TM2D3: variants seen among roughly 807,000 people sequenced by gnomAD.
TM2D3 encodes TM2 domain-containing protein 3.
TM2D3 carries 33 observed loss-of-function variants against 27.3 expected under a neutral mutation model. That is an observed-to-expected ratio of 1.21 (90% CI 0.92 to 1.61). TM2D3 has a LOEUF of 1.61. TM2D3 is among the 40% of genes most tolerant of loss of function. The pLI is 0.00. For missense variants in TM2D3, 364 were observed against 320.8 expected, an observed-to-expected ratio of 1.13 and a Z score of -1.03; for synonymous variants, 138 against 122.2, an observed-to-expected ratio of 1.13 and a Z score of -0.85.
chr15:101,645,357 TACA>T, intron 4 of TM2D3, 195 bp from the exon 5 acceptor site: 1 of 584,098 alleles, frequency 1.7e-6, no homozygotes, highest in Non-Finnish European at 3.0e-6. Context: ...AAGTTAGGAT[TACA>T]ACGTGAGGAA....
chr15:101,641,883 T>C lies in TM2D3; in HGVS notation c.*596A>G, dbSNP rs1896677243. 2.1e-6 allele frequency: 2 copies of C among 963,202 alleles called. No homozygotes were observed. Among genetic ancestry groups the C allele is most frequent in the Admixed American group, 6.2e-5 (1 of 16,236 alleles). 59.7% of individuals were successfully genotyped at this position (963,202 alleles called of 1,614,324 possible). A position where few individuals can be genotyped will look rare whatever the true frequency, so the allele number is the denominator to read the frequency against. On this transcript the variant is annotated 3_prime_UTR_variant, in exon 6 of 6. Transcript: ENST00000333202. ...TGCAATTTTATTAATTTTTCAGTAC[T>C]CTTACCTTTTATATACTACTAAGAA... is the stretch of plus-strand genomic sequence containing the variant.
rs1373162375 is a variant in TM2D3 at position 101,642,486 on chromosome 15, T to C, written c.737A>G (p.Tyr246Cys). 1 of 1,610,854 alleles carries C rather than the reference T, an allele frequency of 6.2e-7. No homozygotes were observed. The highest frequency in any genetic ancestry group is 8.5e-7 in the Non-Finnish European group (1 of 1,178,344). ...CTGAAGCACACACCACAGCTAAATG[T>C]ACAAAGAGCCATCTGCTGGTCCAAC... is the stretch of plus-strand genomic sequence containing the variant. ...GYVGPADGSLYI is the reference protein window; with the variant it reads ...GYVGPADGSLCI The change falls in exon 6 of 6, where the codon TAC (tyrosine) becomes TGC (cysteine). Residue 246 changes from tyrosine to cysteine, a missense_variant. Coordinates refer to ENST00000333202, the MANE Select transcript of TM2D3 (RefSeq NM_078474.3).
chr15:101,636,694 T>C (rs1309063817), intron 4 of TM2D3: 2 of 216,432 alleles, frequency 9.2e-6, no homozygotes, highest in Admixed American at 5.8e-5. Context: ...CCTAGAAGAT[T>C]CCCCAAGTCA....
intron 3 of TM2D3, 46 bp downstream of exon 3, chr15:101,649,956 TAA>T: frequency 6.4e-7 from 1 of 1,555,728 alleles, no homozygotes; most frequent in Non-Finnish European, 8.8e-7. Context: ...TCTTCTAACT[TAA>T]AGTTTACAAT....
intron 5 of TM2D3, among the ~76,000 whole-genome samples, chr15:101,643,263 C>A (rs1896714090): frequency 6.6e-6 from 1 of 152,036 alleles, no homozygotes; most frequent in South Asian, 2.1e-4. Flanking sequence ...TCCAGAGTAC[C>A]CTGAAGCAAA....
rs1391231210 is a variant in TM2D3 at position 101,643,841 on chromosome 15, C to CA, written c.579-1198dup. 1.2e-4 allele frequency among the ~76,000 whole-genome samples: 18 copies of CA among 152,030 alleles called. No homozygotes were observed. The East Asian group carries it at 3.5e-3, about 29-fold the overall frequency. On this transcript the variant is annotated intron_variant, in intron 5 of 5. Transcript: ENST00000333202. Reference sequence around the variant, plus strand: ...GCCAGTTGTTAATTTGAACCATTGTCAGCAATGGTTACTAATCTTTTTTTT... The same window carrying CA: ...GCCAGTTGTTAATTTGAACCATTGTCAAGCAATGGTTACTAATCTTTTTTTT...
chr15:101,648,500 T>G (rs1251238453), intron 3 of TM2D3, among the ~76,000 whole-genome samples: 2 of 152,210 alleles, frequency 1.3e-5, no homozygotes, highest in Non-Finnish European at 2.9e-5. Context: ...CACATGTACA[T>G]GGAACACATG....
downstream of TM2D3, among the ~76,000 whole-genome samples, chr15:101,638,137 C>G (rs1011811933): frequency 1.3e-5 from 2 of 152,106 alleles, no homozygotes; most frequent in African/African-American, 4.8e-5. Context: ...GCAGGGAACC[C>G]CTGAACCCAT....
chr15:101,640,151 T>C (rs1035269091), downstream of TM2D3, among the ~76,000 whole-genome samples: 1 of 152,156 alleles, frequency 6.6e-6, no homozygotes, highest in African/African-American at 2.4e-5. Flanking sequence ...AGCTCACACA[T>C]GATGGACTGA....
intron 3 of TM2D3, among the ~76,000 whole-genome samples, chr15:101,649,143 T>C (rs973729529): frequency 6.6e-6 from 1 of 152,238 alleles, no homozygotes; most frequent in Non-Finnish European, 1.5e-5. Context: ...TTTCCTTTCC[T>C]ATGAACCATC....
chr15:101,636,142 CTACATTTTGTTTATG>C (rs1896546050), intron 4 of TM2D3: 1 of 152,124 alleles, frequency 6.6e-6, no homozygotes, highest in Non-Finnish European at 1.5e-5. Context: ...TATGAATGAA[CTACATTTTGTTTATG>C]TATTATTCAT....
intron 4 of TM2D3, chr15:101,645,831 A>C (rs1332070296): frequency 6.8e-6 from 1 of 147,664 alleles, no homozygotes; most frequent in African/African-American, 2.5e-5. Context: ...AAAAAATCAA[A>C]ATCTGGGAGA....
Position 101,651,637 on chromosome 15 carries a change from CAAAG to C in TM2D3, c.169+55_169+58del, listed in dbSNP as rs1288575154. Reference sequence around the variant, plus strand: ...ATACTAAAGGGAATTTTTATAAAAACAAAGAGAAACTACTAGAGATAACTACATG... The same window carrying C: ...ATACTAAAGGGAATTTTTATAAAAACAGAAACTACTAGAGATAACTACATG... On this transcript the variant is annotated intron_variant, in intron 2 of 5. Coordinates refer to ENST00000333202, the MANE Select transcript of TM2D3 (RefSeq NM_078474.3). The C allele has an allele frequency of 1.1e-5, 16 of 1,504,020 alleles. 1 individual carries two copies. The East Asian group carries it at 1.8e-4, about 17-fold the overall frequency. 93.2% of individuals were successfully genotyped at this position (1,504,020 alleles called of 1,614,324 possible). A position where few individuals can be genotyped will look rare whatever the true frequency, so the allele number is the denominator to read the frequency against.
chr15:101,652,335 C>A lies in TM2D3; in HGVS notation c.27G>T (p.Arg9Ser), dbSNP rs760740696. The A allele has an allele frequency of 4.4e-6, 7 of 1,601,858 alleles. No individual in the cohort carries two copies. Among genetic ancestry groups the A allele is most frequent in the Non-Finnish European group, 6.0e-6 (7 of 1,175,054 alleles). The change falls in exon 1 of 6, where the codon AGG (arginine) becomes AGT (serine). Residue 9 changes from arginine to serine, a missense_variant. Arg to Ser is a moderately radical substitution (Grantham distance 110). Coordinates refer to ENST00000333202, the MANE Select transcript of TM2D3 (RefSeq NM_078474.3). ...GCACGCGACACAAGGCGCGGAGGCCCCTCAGCGGGAGCACCCCTCCCGCCA... is the reference window on the plus strand; with the variant it reads ...GCACGCGACACAAGGCGCGGAGGCCACTCAGCGGGAGCACCCCTCCCGCCA... MAGGVLPL[R>S]GLRALCRVLL...
rs969020895 is a variant in TM2D3, at chr15:101,635,159, CAATAAT to C, written c.501-1437_501-1432del. 1.1e-4 allele frequency: 17 copies of C among 151,828 alleles called. 1 individual carries two copies. Among genetic ancestry groups the C allele is most frequent in the African/African-American group, 1.9e-4 (8 of 41,334 alleles). The allele number at this position is 151,828 out of a possible 1,614,324, so 9.4% of individuals were successfully genotyped here. ...TGGGTGACAGAGCAAGACCCTGTCTCAATAATAATAATATAAATCTTTTGACCAAAA... is the reference window on the plus strand; with the variant it reads ...TGGGTGACAGAGCAAGACCCTGTCTCAATAATATAAATCTTTTGACCAAAA... On this transcript the variant is annotated intron_variant, in intron 4 of 4. Coordinates refer to the TM2D3 transcript ENST00000428002.
At chr15:101,640,946 T>G (rs1896653353), downstream of TM2D3, among the ~76,000 whole-genome samples, 1 of 152,234 alleles carries the variant, frequency 6.6e-6, no homozygotes, top group African/African-American at 2.4e-5. Context: ...TAATCAAGGA[T>G]GCTGTTACCT....
intron 4 of TM2D3, 68 bp downstream of exon 4, chr15:101,646,657 G>A (rs1437306234): frequency 6.3e-7 from 1 of 1,585,786 alleles, no homozygotes; most frequent in Admixed American, 1.7e-5. Flanking sequence ...CAAATTTCTG[G>A]TTAAAGTCCC....
downstream of TM2D3, among the ~76,000 whole-genome samples, chr15:101,640,010 G>T (rs1896631856): frequency 6.6e-6 from 1 of 152,204 alleles, no homozygotes; most frequent in South Asian, 2.1e-4. Context: ...GGGAAATCAT[G>T]ACAGATGGCC....
At chr15:101,643,150 C>A (rs1311784629) in intron 5 of TM2D3, among the ~76,000 whole-genome samples, 1 of 152,038 alleles carries the variant, frequency 6.6e-6, no homozygotes, top group Non-Finnish European at 1.5e-5. Context: ...TGGAAAATTT[C>A]TAAACACCTA....
Sources: allele counts gnomAD v4.1 joint callset (sites outside exome capture counted in the v4.1 genomes callset), GRCh38; gene constraint gnomAD v4.1.1; transcripts MANE v1.5; gene names NCBI Gene and HGNC (gene_info 2026-07-23, HGNC 2026-07-21).